The following ZNF563 variants were observed in gnomAD, a reference collection of about 807,000 sequenced individuals.
ZNF563 encodes zinc finger protein 563.
In ZNF563, 39 loss-of-function variants were observed where a neutral mutation model predicts 48.5. The ratio of observed to expected loss-of-function variants is 0.80; its 90% CI spans 0.62 to 1.05. The LOEUF is 1.05. Among genes scored for constraint, ZNF563 ranks in the 50% least tolerant of loss-of-function variants. The probability of loss-of-function intolerance (pLI) is 0.00; values close to 1 mark genes in which losing one functional copy is unlikely to be tolerated. For synonymous variants in ZNF563, 168 were observed against 187.9 expected, an observed-to-expected ratio of 0.89 and a Z score of 0.87; for missense variants, 538 against 597.0, an observed-to-expected ratio of 0.90 and a Z score of 1.03.
In ZNF563 at chr19:12,333,534, T is replaced by C. The variant is rs1968975972; in HGVS notation, c.-52A>G. 1.2e-6 allele frequency: 2 copies of C among 1,610,994 alleles called. No homozygotes were observed. The highest frequency in any genetic ancestry group is 1.7e-5 in the Admixed American group (1 of 59,714). ...TCCTCCCTCTGCCTCCCGCTGCCAGTGCGGGTCCCACTGTGACAGAGGCTG... is the reference window on the plus strand; with the variant it reads ...TCCTCCCTCTGCCTCCCGCTGCCAGCGCGGGTCCCACTGTGACAGAGGCTG... On this transcript the variant is annotated 5_prime_UTR_variant, in exon 1 of 4. Coordinates refer to ENST00000293725, the MANE Select transcript of ZNF563 (RefSeq NM_145276.3).
chr19:12,333,172 ATGACCCTTCCG>A lies in ZNF563; in HGVS notation c.3+297_3+307del, dbSNP rs1165471247. Among the ~76,000 whole-genome samples, 5 of 152,262 alleles carry A rather than the reference ATGACCCTTCCG, an allele frequency of 3.3e-5. No homozygotes were observed. In the East Asian group the frequency reaches 9.7e-4, roughly 30 times the overall value. ...CCACACACGAGTGGGGATTCCCTCC[ATGACCCTTCCG>A]TGACCCTCCCCCAATCCTGGGGAGA... On this transcript the variant is annotated intron_variant, in intron 1 of 3. Coordinates refer to ENST00000293725, the MANE Select transcript of ZNF563 (RefSeq NM_145276.3).
chr19:12,338,019 T>A (rs1007323879), upstream of ZNF563, among the ~76,000 whole-genome samples: 1 of 152,134 alleles, frequency 6.6e-6, no homozygotes, highest in Admixed American at 6.5e-5. Context: ...GGAGGATCAC[T>A]TGAGTCTAGG....
intron 1 of ZNF563, among the ~76,000 whole-genome samples, chr19:12,325,962 A>C (rs1350393057): frequency 7.2e-5 from 11 of 152,242 alleles, no homozygotes; most frequent in Admixed American, 6.5e-4. Flanking sequence ...TACAGCCTTC[A>C]TCAAACAAGA....
chr19:12,325,476 A>G (rs1188132753), intron 1 of ZNF563, among the ~76,000 whole-genome samples: 2 of 151,858 alleles, frequency 1.3e-5, no homozygotes, highest in Non-Finnish European at 2.9e-5. Flanking sequence ...TCTCAAAAAA[A>G]AAAAAAAAAA....
At chr19:12,332,863 T>C (rs1310142989) in intron 1 of ZNF563, among the ~76,000 whole-genome samples, 1 of 152,152 alleles carries the variant, frequency 6.6e-6, no homozygotes, top group Non-Finnish European at 1.5e-5. Context: ...GCTAATAACT[T>C]TACCTACAAC....
the ZNF563 span, among the ~76,000 whole-genome samples, chr19:12,344,060 G>C: frequency 6.6e-6 from 1 of 151,698 alleles, no homozygotes; most frequent in African/African-American, 2.4e-5. Flanking sequence ...CAAAATACTG[G>C]CAAATGTACT....
At chr19:12,341,648 T>C in the ZNF563 span, among the ~76,000 whole-genome samples, 4 of 152,244 alleles carry the variant, frequency 2.6e-5, no homozygotes, top group Non-Finnish European at 5.9e-5. Context: ...AAAGAGTCAA[T>C]ACATACAGAA....
At chr19:12,328,114 C>T (rs540481084) in intron 1 of ZNF563, among the ~76,000 whole-genome samples, 1 of 152,294 alleles carries the variant, frequency 6.6e-6, no homozygotes, top group East Asian at 1.9e-4. Flanking sequence ...GGTATATATT[C>T]TTCTCAAGCC....
At position 12,333,553 on chromosome 19, in the gene ZNF563, G is replaced by A; in HGVS notation, c.-71C>T. On this transcript the variant is annotated 5_prime_UTR_variant, in exon 1 of 4. Coordinates refer to ENST00000293725, the MANE Select transcript of ZNF563 (RefSeq NM_145276.3). Reference sequence around the variant, plus strand: ...TGCCAGTGCGGGTCCCACTGTGACAGAGGCTGCCACAGACGTTCCAGGGCG... The same window carrying A: ...TGCCAGTGCGGGTCCCACTGTGACAAAGGCTGCCACAGACGTTCCAGGGCG... 26 of 1,603,536 alleles carry A rather than the reference G, an allele frequency of 1.6e-5. No homozygotes were observed. Among genetic ancestry groups the A allele is most frequent in the South Asian group, 4.5e-5 (4 of 89,822 alleles).
chr19:12,339,249 G>A, the ZNF563 span, among the ~76,000 whole-genome samples: 1 of 144,290 alleles, frequency 6.9e-6, no homozygotes, highest in Non-Finnish European at 1.5e-5. Flanking sequence ...TGTGGCTCTT[G>A]TCTGACATGC....
At chr19:12,330,146 G>A (rs8108122) in intron 1 of ZNF563, among the ~76,000 whole-genome samples, 1 of 151,786 alleles carries the variant, frequency 6.6e-6, no homozygotes, top group Non-Finnish European at 1.5e-5. Context: ...TCTTGAACTC[G>A]TGACCTCAGA....
chr19:12,338,322 A>T (rs1174827934), upstream of ZNF563, among the ~76,000 whole-genome samples: 1 of 152,118 alleles, frequency 6.6e-6, no homozygotes. Context: ...ACCTCAGCTC[A>T]CTGCAACCTC....
chr19:12,334,980 T>C (rs1969002355), upstream of ZNF563, among the ~76,000 whole-genome samples: 1 of 151,982 alleles, frequency 6.6e-6, no homozygotes, highest in Non-Finnish European at 1.5e-5. Context: ...TGGTAAATTC[T>C]GATTCTATGT....
chr19:12,338,308 C>A (rs1303777326), upstream of ZNF563, among the ~76,000 whole-genome samples: 1 of 152,138 alleles, frequency 6.6e-6, no homozygotes, highest in Non-Finnish European at 1.5e-5. Context: ...AGTGCAGTGG[C>A]ACAACCTCAG....
At chr19:12,322,835 C>T in intron 1 of ZNF563, 124 bp from the exon 2 acceptor site, 1 of 1,022,908 alleles carries the variant, frequency 9.8e-7, no homozygotes, top group Non-Finnish European at 1.3e-6. Flanking sequence ...GTAGTAAACT[C>T]TCTCATATTC....
intron 1 of ZNF563, among the ~76,000 whole-genome samples, chr19:12,330,820 T>G (rs1968901337): frequency 6.6e-6 from 1 of 152,216 alleles, no homozygotes; most frequent in African/African-American, 2.4e-5. Context: ...TGAATGTGGT[T>G]CTCTACCTTT....
chr19:12,319,351 T>C lies in ZNF563; in HGVS notation c.674A>G (p.Tyr225Cys). 1 of 1,614,232 alleles carries C rather than the reference T, an allele frequency of 6.2e-7. No homozygotes were observed. Among genetic ancestry groups the C allele is most frequent in the Non-Finnish European group, 8.5e-7 (1 of 1,180,046 alleles). The change falls in exon 4 of 4, where the codon TAT (tyrosine) becomes TGT (cysteine). Residue 225 changes from tyrosine to cysteine, a missense_variant. Tyr to Cys is a radical substitution (Grantham distance 194, BLOSUM62 -2). Transcript: ENST00000293725. ...HERTHTGEKP[Y>C]ECKQCSKAFP... ...GGCTTTAGAACACTGCTTACATTCA[T>C]ACGGTTTCTCTCCAGTGTGAGTTCT...
At chr19:12,325,051 A>C (rs1968752016) in intron 1 of ZNF563, 1 of 152,216 alleles carries the variant, frequency 6.6e-6, no homozygotes, top group Non-Finnish European at 1.5e-5. Flanking sequence ...GGGGATGATC[A>C]GAAGGTGTGA....
rs899564024 is a variant in ZNF563 at position 12,318,323 on chromosome 19, A to C, written c.*271T>G. ...TACTTTTAAGTTACCAAAATGACTG[A>C]AGGCTTCCCTACATATTTTACACTC... On this transcript the variant is annotated 3_prime_UTR_variant, in exon 4 of 4. Coordinates refer to ENST00000293725, the MANE Select transcript of ZNF563 (RefSeq NM_145276.3). 4 of 479,828 alleles carry C rather than the reference A, an allele frequency of 8.3e-6. No homozygotes were observed. The highest frequency in any genetic ancestry group is 7.4e-5 in the Admixed American group (2 of 27,080). 29.7% of individuals were successfully genotyped at this position (479,828 alleles called of 1,614,324 possible).
Sources: allele counts gnomAD v4.1 joint callset (sites outside exome capture counted in the v4.1 genomes callset), GRCh38; gene constraint gnomAD v4.1.1; transcripts MANE v1.5; gene names NCBI Gene and HGNC (gene_info 2026-07-23, HGNC 2026-07-21).